GNS: variants seen among roughly 807,000 people sequenced by gnomAD.
The protein encoded by GNS is glucosamine (N-acetyl)-6-sulfatase.
Under a neutral mutation model 69.7 loss-of-function variants are expected in GNS, and 40 were observed. That is an observed-to-expected ratio of 0.57 (90% CI 0.45 to 0.75). GNS has a LOEUF of 0.75. Ranked by LOEUF, GNS falls within the 30% of genes least tolerant of loss-of-function variation. GNS has a pLI of 0.00. For synonymous variants in GNS, 243 were observed against 251.6 expected (o/e 0.97, Z 0.32); for missense variants, 565 against 685.5 (o/e 0.82, Z 1.96).
In GNS at chr12:64,718,034, GA is replaced by G. The variant is rs1868920142; in HGVS notation, c.1581-1216del. On this transcript the variant is annotated intron_variant, in intron 13 of 13. Coordinates refer to ENST00000258145, the MANE Select transcript of GNS (RefSeq NM_002076.4). ...GTCCCAACCATTCTCCTTTGCTGCT[GA>G]AGCACACAAGCAGCCAAAACCAGGT... is the stretch of plus-strand genomic sequence containing the variant. 2.6e-5 allele frequency among the ~76,000 whole-genome samples: 4 copies of G among 152,286 alleles called. 1 individual carries two copies. In the South Asian group the frequency reaches 8.3e-4, roughly 32 times the overall value.
intron 13 of GNS, among the ~76,000 whole-genome samples, chr12:64,718,036 A>C (rs1868920257): frequency 6.6e-6 from 1 of 152,186 alleles, no homozygotes; most frequent in Admixed American, 6.5e-5. Context: ...TTGCTGCTGA[A>C]GCACACAAGC....
intron 7 of GNS, among the ~76,000 whole-genome samples, chr12:64,740,032 T>C (rs1025033536): frequency 5.9e-5 from 9 of 152,232 alleles, no homozygotes; most frequent in Non-Finnish European, 1.2e-4. Flanking sequence ...TTCATTTACA[T>C]GTTACCCAGG....
intron 9 of GNS, among the ~76,000 whole-genome samples, chr12:64,729,645 A>T (rs1869320669): frequency 6.6e-6 from 1 of 152,226 alleles, no homozygotes; most frequent in Non-Finnish European, 1.5e-5. Flanking sequence ...AGATGTTTTT[A>T]AACATTCTAG....
chr12:64,747,587 C>T, intron 3 of GNS, 125 bp downstream of exon 3: 2 of 675,430 alleles, frequency 3.0e-6, no homozygotes, highest in Non-Finnish European at 5.3e-6. Context: ...GTTTAATGGG[C>T]AGATTCACAG....
chr12:64,720,862 C>T (rs1165736000), intron 12 of GNS, among the ~76,000 whole-genome samples: 1 of 152,140 alleles, frequency 6.6e-6, no homozygotes, highest in East Asian at 1.9e-4. Flanking sequence ...GCTGCCCTCA[C>T]TCACACAATC....
intron 1 of GNS, among the ~76,000 whole-genome samples, chr12:64,758,764 TAGAC>T (rs1463429993): frequency 1.3e-5 from 2 of 152,176 alleles, no homozygotes; most frequent in Admixed American, 6.5e-5. Flanking sequence ...TGAGTGCTCT[TAGAC>T]AGCACCTGAT....
intron 9 of GNS, among the ~76,000 whole-genome samples, chr12:64,729,630 G>T (rs1458900872): frequency 2.6e-5 from 4 of 152,156 alleles, no homozygotes. Context: ...AAGAGCAAAA[G>T]ACTTAGATGT....
intron 13 of GNS, 109 bp downstream of exon 13, chr12:64,719,913 A>G (rs1363255934): frequency 6.3e-6 from 5 of 792,194 alleles, no homozygotes; most frequent in Non-Finnish European, 1.1e-5. Flanking sequence ...TATTCCCTCT[A>G]AAGCAGAAGA....
chr12:64,735,251 C>T (rs988895130), intron 9 of GNS, among the ~76,000 whole-genome samples: 1 of 152,212 alleles, frequency 6.6e-6, no homozygotes, highest in African/African-American at 2.4e-5. Context: ...AGTATACAGA[C>T]TTTGGAGCCA....
intron 10 of GNS, among the ~76,000 whole-genome samples, chr12:64,723,656 A>C (rs1054380761): frequency 6.6e-6 from 1 of 152,218 alleles, no homozygotes; most frequent in Non-Finnish European, 1.5e-5. Flanking sequence ...TGTGGAAGGA[A>C]AGAAGTGGCA....
At chr12:64,748,262 C>T (rs1444425136) in intron 2 of GNS, among the ~76,000 whole-genome samples, 3 of 151,928 alleles carry the variant, frequency 2.0e-5, no homozygotes, top group Non-Finnish European at 2.9e-5. Flanking sequence ...AGTGCACTGG[C>T]ACAAGCACAG....
rs895827504 is a variant in GNS, at chr12:64,714,051, C to T, written c.*2690G>A. 2.0e-5 allele frequency: 3 copies of T among 152,156 alleles called. No homozygotes were observed. The highest frequency in any genetic ancestry group is 7.2e-5 in the African/African-American group (3 of 41,442). 9.4% of individuals were successfully genotyped at this position (152,156 alleles called of 1,614,324 possible). On this transcript the variant is annotated 3_prime_UTR_variant, in exon 14 of 14. Coordinates refer to ENST00000258145, the MANE Select transcript of GNS (RefSeq NM_002076.4). Reference sequence around the variant, plus strand: ...GGCTGAGGCAGGAGAACTGCTGGAACCCAGGAGGTGGAAGTTGCAGTGAGC... The same window carrying T: ...GGCTGAGGCAGGAGAACTGCTGGAATCCAGGAGGTGGAAGTTGCAGTGAGC...
chr12:64,720,687 T>C (rs986666096), intron 12 of GNS, among the ~76,000 whole-genome samples: 1 of 152,228 alleles, frequency 6.6e-6, no homozygotes, highest in African/African-American at 2.4e-5. Context: ...TAAAAAGTAA[T>C]TGTGGATATA....
At chr12:64,749,861 T>C (rs145149177) in intron 2 of GNS, among the ~76,000 whole-genome samples, 30 of 150,956 alleles carry the variant, frequency 2.0e-4, no homozygotes, top group African/African-American at 7.3e-4. Flanking sequence ...CATTTTAGCA[T>C]CTGGTAGAGC....
intron 13 of GNS, among the ~76,000 whole-genome samples, chr12:64,717,120 T>A (rs1868886806): frequency 6.6e-6 from 1 of 152,166 alleles, no homozygotes; most frequent in Admixed American, 6.5e-5. Flanking sequence ...TAGGGGTGGA[T>A]CAACTGTTAC....
chr12:64,731,014 A>T (rs938355247), intron 9 of GNS, among the ~76,000 whole-genome samples: 2 of 152,226 alleles, frequency 1.3e-5, no homozygotes, highest in African/African-American at 4.8e-5. Context: ...AAAAATTGCA[A>T]GAGCCACCAC....
intron 12 of GNS, among the ~76,000 whole-genome samples, chr12:64,720,839 A>C (rs1017466225): frequency 6.6e-6 from 1 of 152,220 alleles, no homozygotes; most frequent in African/African-American, 2.4e-5. Context: ...TTTGCCTATA[A>C]TGGCTTCAGG....
chr12:64,735,101 C>T (rs1248525663), intron 9 of GNS, among the ~76,000 whole-genome samples: 1 of 152,160 alleles, frequency 6.6e-6, no homozygotes, highest in East Asian at 1.9e-4. Flanking sequence ...CAGAGCAAGA[C>T]TCCATCTCAA....
chr12:64,757,697 C>T (rs897149704), intron 1 of GNS, among the ~76,000 whole-genome samples: 1 of 152,142 alleles, frequency 6.6e-6, no homozygotes, highest in African/African-American at 2.4e-5. Flanking sequence ...ATAATGATTA[C>T]CTTTATCAAG....
Sources: allele counts gnomAD v4.1 joint callset (sites outside exome capture counted in the v4.1 genomes callset), GRCh38; gene constraint gnomAD v4.1.1; transcripts MANE v1.5; gene names NCBI Gene and HGNC (gene_info 2026-07-23, HGNC 2026-07-21).